ESR1: variants seen among roughly 807,000 people sequenced by gnomAD.
ESR1 encodes estrogen receptor 1, also known as estrogen receptor.
In ESR1, 12 loss-of-function variants were observed where a neutral mutation model predicts 52.7. That is an observed-to-expected ratio of 0.23 (90% CI 0.15 to 0.37). The LOEUF is 0.37. ESR1 is among the 10% of genes least tolerant of loss of function. The pLI, the probability that ESR1 is intolerant of heterozygous loss-of-function variation, is 1.00. For synonymous variants in ESR1, 305 were observed against 316.8 expected, an observed-to-expected ratio of 0.96 and a Z score of 0.39; for missense variants, 584 against 779.7, an observed-to-expected ratio of 0.75 and a Z score of 2.99.
chr6:151,865,662 T>A (rs998859420), intron 2 of ESR1, among the ~76,000 whole-genome samples: 9 of 152,154 alleles, frequency 5.9e-5, no homozygotes, highest in Admixed American at 2.6e-4. Context: ...GAAAAGAGAA[T>A]AATTGAAGTT....
At chr6:151,831,426 T>C (rs1409183221) in intron 1 of ESR1, among the ~76,000 whole-genome samples, 1 of 152,166 alleles carries the variant, frequency 6.6e-6, no homozygotes, top group East Asian at 1.9e-4. Context: ...AGGTGTGAGC[T>C]ACCATGCCCA....
intron 4 of ESR1, among the ~76,000 whole-genome samples, chr6:151,948,479 G>A (rs1217358815): frequency 2.0e-5 from 3 of 152,168 alleles, no homozygotes; most frequent in African/African-American, 7.2e-5. Context: ...CACTCAGAGT[G>A]TTGGCCCAGG....
At position 151,829,698 on chromosome 6, in the gene ESR1, C is replaced by A. The variant is rs1386631519; in HGVS notation, c.453-12899C>A. Among the ~76,000 whole-genome samples the A allele has an allele frequency of 2.0e-5, 3 of 152,216 alleles. No individual in the cohort carries two copies. In the East Asian group the frequency reaches 5.8e-4, roughly 29 times the overall value. ...GTTGGTCGGAGGCAAGGGATAAAAT[C>A]ATGGTCACACCATTGTAGCGCCAGA... On this transcript the variant is annotated intron_variant, in intron 1 of 7. Transcript: ENST00000206249.
At chr6:151,927,101 A>G (rs2032872790) in intron 3 of ESR1, among the ~76,000 whole-genome samples, 1 of 152,148 alleles carries the variant, frequency 6.6e-6, no homozygotes, top group Admixed American at 6.5e-5. Context: ...AATTAATATG[A>G]TCATATGACT....
In ESR1 at chr6:151,715,598, A is replaced by G. The variant is rs113059013; in HGVS notation, c.-71+13593A>G. On this transcript the variant is annotated intron_variant, in intron 2 of 2. Transcript: ENST00000404742. ...ATTTCAAGTTGATCTTCAATCTCTG[A>G]TATCCTTTCTTTTGCTTGATTGATT... 2.6e-3 allele frequency among the ~76,000 whole-genome samples: 390 copies of G among 152,108 alleles called. 2 individuals are homozygous for G. The highest frequency in any genetic ancestry group is 8.7e-3 in the African/African-American group (361 of 41,500).
intron 4 of ESR1, among the ~76,000 whole-genome samples, chr6:151,961,025 C>A (rs1385712257): frequency 6.6e-6 from 1 of 152,112 alleles, no homozygotes; most frequent in African/African-American, 2.4e-5. Flanking sequence ...ACAGGTGGAA[C>A]AAGTTTTTGA....
intron 2 of ESR1, among the ~76,000 whole-genome samples, chr6:151,760,379 A>G (rs1328428184): frequency 6.6e-6 from 1 of 152,246 alleles, no homozygotes; most frequent in Non-Finnish European, 1.5e-5. Context: ...GCAACAAACA[A>G]GCATCTAGAA....
At chr6:151,704,948 TC>T (rs1562342338) in intron 2 of ESR1, among the ~76,000 whole-genome samples, 1 of 150,346 alleles carries the variant, frequency 6.7e-6, no homozygotes, top group Non-Finnish European at 1.5e-5. Context: ...TCCTGAAGTT[TC>T]CTTCAGAAAC....
intron 3 of ESR1, among the ~76,000 whole-genome samples, chr6:151,887,089 A>G (rs1793982702): frequency 6.6e-6 from 1 of 151,984 alleles, no homozygotes; most frequent in African/African-American, 2.4e-5. Context: ...TCATGATGGT[A>G]GAATCAAATT....
chr6:151,878,238 A>T (rs928523293), intron 2 of ESR1, among the ~76,000 whole-genome samples: 2 of 152,258 alleles, frequency 1.3e-5, no homozygotes, highest in East Asian at 3.8e-4. Context: ...TGCAGTTAGC[A>T]TCTGCACAGA....
At chr6:152,105,725 C>T (rs901607493), downstream of ESR1, among the ~76,000 whole-genome samples, 14 of 149,854 alleles carry the variant, frequency 9.3e-5, no homozygotes, top group African/African-American at 2.2e-4. Flanking sequence ...TGGGCCCAGC[C>T]AATTTAATTA....
At chr6:151,793,007 A>G (rs537182605) in intron 2 of ESR1, among the ~76,000 whole-genome samples, 4 of 151,982 alleles carry the variant, frequency 2.6e-5, no homozygotes, top group South Asian at 2.1e-4. Flanking sequence ...TGTCTCTACT[A>G]AAAATACAAA....
At chr6:151,863,023 A>G (rs1488534501) in intron 2 of ESR1, among the ~76,000 whole-genome samples, 1 of 152,164 alleles carries the variant, frequency 6.6e-6, no homozygotes, top group East Asian at 1.9e-4. Flanking sequence ...TGAAAGGTTA[A>G]AGTCTTTCTC....
chr6:151,696,183 C>T (rs1220651311), intron 1 of ESR1, among the ~76,000 whole-genome samples: 2 of 151,948 alleles, frequency 1.3e-5, no homozygotes, highest in Non-Finnish European at 1.5e-5. Context: ...ATTAAAAGTG[C>T]CTCAGGGCTG....
At chr6:151,687,054 C>T (rs546057085), upstream of ESR1, among the ~76,000 whole-genome samples, 9 of 152,308 alleles carry the variant, frequency 5.9e-5, no homozygotes, top group East Asian at 3.9e-4. Flanking sequence ...TTGTCCTTTG[C>T]GGCTCATGAC....
chr6:152,010,592 G>A (rs2042683788), intron 4 of ESR1, among the ~76,000 whole-genome samples: 1 of 152,040 alleles, frequency 6.6e-6, no homozygotes, highest in African/African-American at 2.4e-5. Context: ...TGTCACTCTG[G>A]CGTATCTTAA....
Position 152,099,390 on chromosome 6 carries a change from A to T in ESR1, c.*424A>T. 3.1e-6 allele frequency: 1 copy of T among 323,084 alleles called. No individual in the cohort carries two copies. Among genetic ancestry groups the T allele is most frequent in the Non-Finnish European group, 5.8e-6 (1 of 171,698 alleles). The allele number at this position is 323,084 out of a possible 1,614,324, so 20.0% of individuals were successfully genotyped here. ...AAGAATAAGCCACAGCAAAGAATTT[A>T]AAGTGGCTCCTTTAATTGGTGACTT... On this transcript the variant is annotated 3_prime_UTR_variant, in exon 8 of 8. Coordinates refer to ENST00000206249, the MANE Select transcript of ESR1 (RefSeq NM_000125.4).
At chr6:151,686,487 C>T (rs1250952776), upstream of ESR1, among the ~76,000 whole-genome samples, 2 of 152,280 alleles carry the variant, frequency 1.3e-5, no homozygotes, top group Admixed American at 6.5e-5. Context: ...AGATCGAGAC[C>T]ATCCCGGCTA....
chr6:151,760,455 T>A (rs1562384093), intron 2 of ESR1, among the ~76,000 whole-genome samples: 1 of 152,240 alleles, frequency 6.6e-6, no homozygotes, highest in Non-Finnish European at 1.5e-5. Flanking sequence ...CATAATGTAA[T>A]CTTCTGTCTT....
Sources: allele counts gnomAD v4.1 joint callset (sites outside exome capture counted in the v4.1 genomes callset), GRCh38; gene constraint gnomAD v4.1.1; transcripts MANE v1.5; gene names NCBI Gene and HGNC (gene_info 2026-07-23, HGNC 2026-07-21).